The following MSRA variants were observed in gnomAD, a reference collection of about 807,000 sequenced individuals.
The protein encoded by MSRA is mitochondrial peptide methionine sulfoxide reductase.
Under a neutral mutation model 31.3 loss-of-function variants are expected in MSRA, and 54 were observed. That is an observed-to-expected ratio of 1.73 (90% CI 1.39 to 2.17). The LOEUF (loss-of-function observed/expected upper bound fraction) is 2.17, where lower values mean the gene tolerates loss of function less well. Ranked by LOEUF, MSRA falls within the 30% of genes most tolerant of loss-of-function variation. The probability of loss-of-function intolerance (pLI) is 0.00; values close to 1 mark genes in which losing one functional copy is unlikely to be tolerated. For missense variants in MSRA, 507 were observed against 300.9 expected (o/e 1.69, Z -5.07); for synonymous variants, 169 against 116.5 (o/e 1.45, Z -2.90).
At chr8:10,197,851 T>G (rs1179612247) in intron 1 of MSRA, among the ~76,000 whole-genome samples, 1 of 152,164 alleles carries the variant, frequency 6.6e-6, no homozygotes, top group African/African-American at 2.4e-5. Context: ...TGTGCGTCAC[T>G]TGGGGCAGTT....
At position 10,344,741 on chromosome 8, in the gene MSRA, C is replaced by T. The variant is rs79049067; in HGVS notation, c.543+24752C>T. The stretch of plus-strand genomic sequence containing the variant: ...CAGGTTTGCATGTCAGGGATAGCTT[C>T]GTTCACCAACACATTCTCCATTACT... On this transcript the variant is annotated intron_variant, in intron 5 of 5. Coordinates refer to ENST00000317173, the MANE Select transcript of MSRA (RefSeq NM_012331.5). 5.8e-3 allele frequency among the ~76,000 whole-genome samples: 876 copies of T among 152,204 alleles called. 11 individuals are homozygous for T. The highest frequency in any genetic ancestry group is 0.02 in the African/African-American group (829 of 41,528).
At chr8:10,150,995 A>G (rs1172622993) in intron 1 of MSRA, among the ~76,000 whole-genome samples, 1 of 151,830 alleles carries the variant, frequency 6.6e-6, no homozygotes, top group Non-Finnish European at 1.5e-5. Flanking sequence ...TGGTGCATGC[A>G]TGTGTGTGTC....
chr8:10,305,472 G>T (rs988793510), intron 4 of MSRA, among the ~76,000 whole-genome samples: 14 of 145,666 alleles, frequency 9.6e-5, no homozygotes, highest in Admixed American at 2.8e-4. Flanking sequence ...GGAGTACCGT[G>T]GTGTGATCTT....
chr8:10,286,216 C>T (rs1458084921), intron 3 of MSRA, among the ~76,000 whole-genome samples: 1 of 152,276 alleles, frequency 6.6e-6, no homozygotes. Flanking sequence ...AAGTAGTTCC[C>T]GTTTTTCAAC....
At chr8:10,271,168 C>A (rs1179060240) in intron 3 of MSRA, among the ~76,000 whole-genome samples, 2 of 150,588 alleles carry the variant, frequency 1.3e-5, no homozygotes, top group South Asian at 4.2e-4. Context: ...TAAAAGTGGG[C>A]AAAACATTTG....
intron 5 of MSRA, among the ~76,000 whole-genome samples, chr8:10,345,433 G>A (rs1803708402): frequency 6.6e-6 from 1 of 152,130 alleles, no homozygotes; most frequent in South Asian, 2.1e-4. Flanking sequence ...CATGAATGAA[G>A]AAGTCTTGTA....
intron 2 of MSRA, among the ~76,000 whole-genome samples, chr8:10,211,434 G>C (rs1233375094): frequency 6.6e-6 from 1 of 152,116 alleles, no homozygotes; most frequent in Non-Finnish European, 1.5e-5. Context: ...TGAGAACGAA[G>C]GTAATAGGCT....
chr8:10,315,169 T>C lies in MSRA; in HGVS notation c.437-4714T>C, dbSNP rs149420931. Among the ~76,000 whole-genome samples the C allele has an allele frequency of 4.6e-5, 7 of 152,302 alleles. No homozygotes were observed. The East Asian group carries it at 1.4e-3, about 29-fold the overall frequency. ...GAAAGACCTGCCCCCCGTGATTCAG[T>C]TACCTCCCACCAGGTTTTTCCCATG... On this transcript the variant is annotated intron_variant, in intron 4 of 5. Coordinates refer to ENST00000317173, the MANE Select transcript of MSRA (RefSeq NM_012331.5).
chr8:10,143,022 A>T (rs1205400009), intron 1 of MSRA, among the ~76,000 whole-genome samples: 1 of 152,176 alleles, frequency 6.6e-6, no homozygotes, highest in Non-Finnish European at 1.5e-5. Context: ...TAACTTTGTT[A>T]TGTGGAGTAA....
chr8:10,314,998 C>T (rs565161272), intron 4 of MSRA, among the ~76,000 whole-genome samples: 1 of 152,218 alleles, frequency 6.6e-6, no homozygotes, highest in Admixed American at 6.5e-5. Flanking sequence ...GGCTGGGGAG[C>T]CTTCACAATT....
At chr8:10,357,360 C>T (rs912593430) in intron 5 of MSRA, among the ~76,000 whole-genome samples, 2 of 152,218 alleles carry the variant, frequency 1.3e-5, no homozygotes, top group East Asian at 1.9e-4. Context: ...TGCTTTCTCT[C>T]GACCCACTTT....
intron 2 of MSRA, among the ~76,000 whole-genome samples, chr8:10,242,920 G>A (rs895945797): frequency 6.6e-6 from 1 of 152,128 alleles, no homozygotes; most frequent in Admixed American, 6.5e-5. Flanking sequence ...GCCACACGTG[G>A]CACCCCAGAC....
At chr8:10,120,807 G>C (rs1330462479) in intron 1 of MSRA, among the ~76,000 whole-genome samples, 1 of 152,174 alleles carries the variant, frequency 6.6e-6, no homozygotes, top group Non-Finnish European at 1.5e-5. Flanking sequence ...TGTGGCTGCT[G>C]GGCTGGCTAG....
chr8:10,315,150 C>T (rs912826991), intron 4 of MSRA, among the ~76,000 whole-genome samples: 1 of 152,272 alleles, frequency 6.6e-6, no homozygotes, highest in South Asian at 2.1e-4. Flanking sequence ...ATGGGAAAGA[C>T]CTGCCCCCCG....
At chr8:10,058,087 C>G (rs549116094) in intron 1 of MSRA, among the ~76,000 whole-genome samples, 2 of 152,078 alleles carry the variant, frequency 1.3e-5, no homozygotes, top group African/African-American at 2.4e-5. Context: ...GGCTTTCTTG[C>G]GTTTACATTC....
intron 4 of MSRA, among the ~76,000 whole-genome samples, chr8:10,305,949 A>T (rs574420641): frequency 2.6e-5 from 4 of 152,380 alleles, no homozygotes; most frequent in African/African-American, 9.6e-5. Flanking sequence ...CAATTACCAC[A>T]GAACCTCTAC....
intron 1 of MSRA, among the ~76,000 whole-genome samples, chr8:10,198,496 T>C (rs896245317): frequency 6.6e-6 from 1 of 152,216 alleles, no homozygotes; most frequent in African/African-American, 2.4e-5. Flanking sequence ...ATTTACAGTT[T>C]TTCTGTATTT....
At chr8:10,421,798 G>T (rs546888178) in intron 5 of MSRA, among the ~76,000 whole-genome samples, 117 of 152,196 alleles carry the variant, frequency 7.7e-4, no homozygotes, top group African/African-American at 2.7e-3. Flanking sequence ...GGGGGCTGGG[G>T]GCTCCATCAC....
chr8:10,337,722 G>T (rs763613848), intron 5 of MSRA: 6 of 702,584 alleles, frequency 8.5e-6, no homozygotes, highest in Middle Eastern at 2.3e-4. Context: ...GTGCTTCCCT[G>T]TTCTTCCTCA....
Sources: allele counts gnomAD v4.1 joint callset (sites outside exome capture counted in the v4.1 genomes callset), GRCh38; gene constraint gnomAD v4.1.1; transcripts MANE v1.5; gene names NCBI Gene and HGNC (gene_info 2026-07-23, HGNC 2026-07-21).